The following ATP8B4 variants were observed in gnomAD, a reference collection of about 807,000 sequenced individuals.
ATP8B4 encodes probable phospholipid-transporting ATPase IM.
A neutral mutation model predicts 145.6 loss-of-function variants in ATP8B4; 133 were observed. The observed-to-expected ratio is 0.91, with a 90% CI of 0.79 to 1.05. The LOEUF (loss-of-function observed/expected upper bound fraction) is 1.05, where lower values mean the gene tolerates loss of function less well. Ranked by LOEUF, ATP8B4 falls within the 50% of genes least tolerant of loss-of-function variation. The pLI is 0.00. For synonymous variants in ATP8B4, 507 were observed against 492.9 expected (o/e 1.03, Z -0.38); for missense variants, 1,458 against 1,425.2 (o/e 1.02, Z -0.37).
At chr15:49,997,930 T>C (rs981705052) in intron 8 of ATP8B4, among the ~76,000 whole-genome samples, 20 of 152,094 alleles carry the variant, frequency 1.3e-4, no homozygotes, top group Non-Finnish European at 2.1e-4. Flanking sequence ...AAGAACTTCA[T>C]AGATGAAGCA....
chr15:50,104,248 A>C (rs1357004121), intron 2 of ATP8B4, among the ~76,000 whole-genome samples: 1 of 152,196 alleles, frequency 6.6e-6, no homozygotes, highest in African/African-American at 2.4e-5. Flanking sequence ...TCATTAAACT[A>C]AAAAGCTTCT....
At chr15:50,172,427 G>A (rs940818289) in intron 1 of ATP8B4, among the ~76,000 whole-genome samples, 10 of 152,266 alleles carry the variant, frequency 6.6e-5, no homozygotes, top group Non-Finnish European at 1.5e-4. Context: ...TGCAGACGGA[G>A]TCTCGCTCAC....
intron 14 of ATP8B4, among the ~76,000 whole-genome samples, chr15:49,961,574 A>T (rs1254146916): frequency 1.3e-5 from 2 of 152,228 alleles, no homozygotes; most frequent in African/African-American, 4.8e-5. Context: ...ATTTTGGAAC[A>T]TCAATATAAC....
At chr15:50,012,286 G>T (rs981399985) in intron 6 of ATP8B4, among the ~76,000 whole-genome samples, 1 of 152,134 alleles carries the variant, frequency 6.6e-6, no homozygotes, top group African/African-American at 2.4e-5. Context: ...GAAAAAATGG[G>T]CATGAGTGGA....
chr15:49,933,962 T>G, intron 15 of ATP8B4, 55 bp downstream of exon 15: 1 of 1,456,538 alleles, frequency 6.9e-7, no homozygotes, highest in Non-Finnish European at 9.1e-7. Flanking sequence ...AGTGTCAGTT[T>G]CAATTTTAAA....
intron 1 of ATP8B4, among the ~76,000 whole-genome samples, chr15:50,132,345 A>G (rs2044059184): frequency 1.3e-5 from 2 of 152,186 alleles, no homozygotes; most frequent in African/African-American, 2.4e-5. Context: ...TATGCAACCA[A>G]CAAACATGAA....
At chr15:50,099,131 A>G (rs531494601) in intron 2 of ATP8B4, among the ~76,000 whole-genome samples, 1 of 152,290 alleles carries the variant, frequency 6.6e-6, no homozygotes, top group Admixed American at 6.5e-5. Flanking sequence ...TTTTGGAATA[A>G]AGAACAGCTA....
At chr15:50,083,025 G>C (rs1040146227) in intron 2 of ATP8B4, among the ~76,000 whole-genome samples, 4 of 152,174 alleles carry the variant, frequency 2.6e-5, no homozygotes, top group African/African-American at 9.7e-5. Flanking sequence ...ACTGCAAATT[G>C]GTGTGTGCCT....
chr15:50,057,234 T>C (rs960697752), intron 3 of ATP8B4, among the ~76,000 whole-genome samples: 1 of 152,212 alleles, frequency 6.6e-6, no homozygotes, highest in Non-Finnish European at 1.5e-5. Context: ...ATTGCCTCCT[T>C]CCATCTCCAG....
intron 12 of ATP8B4, among the ~76,000 whole-genome samples, chr15:49,979,224 G>A (rs2045948749): frequency 1.3e-5 from 2 of 152,104 alleles, no homozygotes; most frequent in South Asian, 4.2e-4. Context: ...GGTAGAATAG[G>A]ACCTGAATCC....
chr15:49,861,027 CTCTTTCATTCCCCT>C, intron 27 of ATP8B4, among the ~76,000 whole-genome samples: 1 of 89,882 alleles, frequency 1.1e-5, no homozygotes, highest in South Asian at 3.0e-4. Context: ...TTTCCCACAA[CTCTTTCATTCCCCT>C]GTAAAGCTAA....
intron 1 of ATP8B4, among the ~76,000 whole-genome samples, chr15:50,160,437 C>T (rs764925772): frequency 1.3e-5 from 2 of 148,814 alleles, no homozygotes; most frequent in Admixed American, 6.7e-5. Context: ...GTTTAGTTTG[C>T]TCTTGCTTTT....
rs2037959602 is a variant in ATP8B4, at chr15:49,900,974, C to T, written c.2289+118G>A. 15 of 1,296,914 alleles carry T rather than the reference C, an allele frequency of 1.2e-5. No individual in the cohort carries two copies. The South Asian group carries it at 1.4e-4, about 12-fold the overall frequency. The allele number at this position is 1,296,914 out of a possible 1,614,324, so 80.3% of individuals were successfully genotyped here. A position where few individuals can be genotyped will look rare whatever the true frequency, so the allele number is the denominator to read the frequency against. On this transcript the variant is annotated intron_variant, in intron 21 of 27. Transcript: ENST00000284509. ...CAAACAGGAAATCATCGCATATGCC[C>T]TGTATCTAGTAGTGACATTTGTCTG...
intron 25 of ATP8B4, among the ~76,000 whole-genome samples, chr15:49,873,553 T>A (rs2033959363): frequency 1.3e-5 from 2 of 152,194 alleles, no homozygotes; most frequent in Admixed American, 1.3e-4. Context: ...CCGATTTCCA[T>A]TTTTTTCATG....
upstream of ATP8B4, among the ~76,000 whole-genome samples, chr15:50,119,752 C>CTTTTTTTT (rs572570694): frequency 5.5e-3 from 504 of 91,566 alleles, 25 homozygotes; most frequent in African/African-American, 0.02. Flanking sequence ...GTTTTTGTCA[C>CTTTTTTTT]TTTTTTTTTT....
chr15:50,012,369 C>T (rs774051412), intron 6 of ATP8B4, among the ~76,000 whole-genome samples: 1 of 152,156 alleles, frequency 6.6e-6, no homozygotes, highest in Non-Finnish European at 1.5e-5. Context: ...ACTGAAAGTG[C>T]ACCTGTCTCA....
intron 1 of ATP8B4, among the ~76,000 whole-genome samples, chr15:50,159,828 T>G (rs2044488250): frequency 6.6e-6 from 1 of 152,216 alleles, no homozygotes; most frequent in South Asian, 2.1e-4. Flanking sequence ...TAAATCCCAC[T>G]TGGTCATGAT....
chr15:50,102,159 C>A (rs182006294), intron 2 of ATP8B4, among the ~76,000 whole-genome samples: 156 of 151,930 alleles, frequency 1.0e-3, no homozygotes, highest in African/African-American at 3.7e-3. Flanking sequence ...CACAAATAGA[C>A]AATCTAAGGT....
At chr15:49,884,543 A>C (rs2035915756) in intron 23 of ATP8B4, among the ~76,000 whole-genome samples, 1 of 146,374 alleles carries the variant, frequency 6.8e-6, no homozygotes, top group Admixed American at 7.0e-5. Flanking sequence ...CAGAGGCTGC[A>C]GTGAGCCGAG....
Sources: gnomAD v4.1 joint callset for allele counts (sites outside exome capture counted in the v4.1 genomes callset) on GRCh38, gnomAD v4.1.1 for gene constraint, MANE v1.5 for transcripts, NCBI Gene and HGNC (gene_info 2026-07-23, HGNC 2026-07-21) for gene names.